Variants in SPEN observed in about 807,000 individuals in gnomAD.
SPEN encodes the protein spen family transcriptional repressor, also known as msx2-interacting protein.
Under a neutral mutation model 269.9 loss-of-function variants are expected in SPEN, and 18 were observed. That is an observed-to-expected ratio of 0.07 (90% CI 0.05 to 0.10). The LOEUF is 0.10. Ranked by LOEUF, SPEN falls within the 10% of genes least tolerant of loss-of-function variation. SPEN has a pLI of 1.00. For synonymous variants in SPEN, 1,726 were observed against 1,765.7 expected, an observed-to-expected ratio of 0.98 and a Z score of 0.56; for missense variants, 3,822 against 4,631.2, an observed-to-expected ratio of 0.83 and a Z score of 5.07.
At position 15,937,341 on chromosome 1, in the gene SPEN, C is replaced by G; in HGVS notation, c.10205C>G (p.Pro3402Arg). The G allele has an allele frequency of 6.2e-7, 1 of 1,613,986 alleles. No individual in the cohort carries two copies. Among genetic ancestry groups the G allele is most frequent in the Non-Finnish European group, 8.5e-7 (1 of 1,179,998 alleles). ...AKGTQTGVEQ[P>R]RLPAGPANRP... is the part of the protein sequence containing the mutation. ...GGGACCCAGACGGGAGTAGAGCAGC[C>G]TCGCCTCCCAGCTGGACCTGCAAAC... The change falls in exon 12 of 15, where the codon CCT (proline) becomes CGT (arginine). Residue 3402 changes from proline (P) to arginine (R), a missense_variant. Around this residue, in one of 16 missense-constraint regions of SPEN, gnomAD observed 359 missense variants for 377.3 expected, o/e 0.95. Coordinates refer to ENST00000375759, the MANE Select transcript of SPEN (RefSeq NM_015001.3). This position sits in a 1 kb window ranked among gnomAD's most constrained non-coding sequence, Gnocchi z 5.7.
In SPEN at chr1:15,855,990, C is replaced by CCTTT. The variant is rs370972899; in HGVS notation, c.83+7840_83+7841insCTTT. ...TTATTGTGTGAAAAGGATGCTAGAA[C>CCTTT]TTTTTTTTTTTTTTTTTTTTGAGAC... On this transcript the variant is annotated intron_variant, in intron 1 of 14. Transcript: ENST00000375759. Among the ~76,000 whole-genome samples the CCTTT allele has an allele frequency of 4.3e-3, 122 of 28,232 alleles. 25 individuals carry two copies. The highest frequency in any genetic ancestry group is 4.7e-3 in the African/African-American group (46 of 9,700). 18.5% of individuals were successfully genotyped at this position (28,232 alleles called of 152,430 possible). A position where few individuals can be genotyped will look rare whatever the true frequency, so the allele number is the denominator to read the frequency against.
At chr1:15,859,329 A>ATTTTCT (rs1431619410) in intron 1 of SPEN, among the ~76,000 whole-genome samples, 1 of 114,882 alleles carries the variant, frequency 8.7e-6, no homozygotes, top group Non-Finnish European at 1.9e-5. Flanking sequence ...TTTATAGTTC[A>ATTTTCT]TTTTCTTTTT....
At chr1:15,893,322 A>G (rs2070807827) in intron 3 of SPEN, among the ~76,000 whole-genome samples, 1 of 151,868 alleles carries the variant, frequency 6.6e-6, no homozygotes, top group South Asian at 2.1e-4. Context: ...TTTATATGTT[A>G]TTTTCGATGG....
chr1:15,848,771 G>T lies in SPEN; in HGVS notation c.83+621G>T, dbSNP rs912725750. Among the ~76,000 whole-genome samples, 1 of 152,056 alleles carries T rather than the reference G, an allele frequency of 6.6e-6. No homozygotes were observed. Among genetic ancestry groups the T allele is most frequent in the Non-Finnish European group, 1.5e-5 (1 of 68,022 alleles). On this transcript the variant is annotated intron_variant, in intron 1 of 14. Transcript: ENST00000375759. This position sits in a 1 kb window ranked among gnomAD's most constrained non-coding sequence, Gnocchi z 5.1. Reference sequence around the variant, plus strand: ...GGCAAACGTTTCTCGTTTTTGCGGGGCTGGGTGGAGAGTGGTGTGAAATAA... The same window carrying T: ...GGCAAACGTTTCTCGTTTTTGCGGGTCTGGGTGGAGAGTGGTGTGAAATAA...
chr1:15,918,253 T>G (rs951514377), intron 6 of SPEN, among the ~76,000 whole-genome samples: 1 of 152,188 alleles, frequency 6.6e-6, no homozygotes, highest in South Asian at 2.1e-4. Flanking sequence ...TAAGACGGAG[T>G]TTCACTTTTG....
At chr1:15,885,755 A>G (rs1223321129) in intron 3 of SPEN, among the ~76,000 whole-genome samples, 2 of 152,216 alleles carry the variant, frequency 1.3e-5, no homozygotes, top group East Asian at 3.8e-4. Context: ...GTTTAGCAGC[A>G]TGGAATAAAT....
chr1:15,868,115 G>A (rs2070532961), intron 1 of SPEN, among the ~76,000 whole-genome samples: 1 of 151,592 alleles, frequency 6.6e-6, no homozygotes, highest in African/African-American at 2.4e-5. Flanking sequence ...ATTCAGGAGT[G>A]AGCCACTGCA....
Position 15,934,117 on chromosome 1 carries a change from C to T in SPEN, c.7877C>T (p.Pro2626Leu). ...ATTACCTCTGTTATTAGCCGGATGCCTGTCAGCATTGACCTGGAAAATTCA... is the reference window on the plus strand; with the variant it reads ...ATTACCTCTGTTATTAGCCGGATGCTTGTCAGCATTGACCTGGAAAATTCA... ...PKITSVISRM[P>L]VSIDLENSQK... Residue 2626 changes from proline (P) to leucine (L), a missense_variant, in exon 11 of 15, where the codon CCT becomes CTT. Physicochemically the swap from Pro to Leu is moderately conservative, Grantham distance 98. Transcript: ENST00000375759. The surrounding 1 kb of genome is among the most constrained non-coding windows in gnomAD (Gnocchi z 9.2). The T allele has an allele frequency of 6.2e-7, 1 of 1,613,818 alleles. No homozygotes were observed. The highest frequency in any genetic ancestry group is 8.5e-7 in the Non-Finnish European group (1 of 1,179,766).
chr1:15,899,449 G>T (rs2070876913), intron 3 of SPEN, among the ~76,000 whole-genome samples: 1 of 151,816 alleles, frequency 6.6e-6, no homozygotes. Context: ...CAAAGTGCTA[G>T]GATTACAGGC....
At chr1:15,876,122 T>A in intron 2 of SPEN, 80 bp from the exon 3 acceptor site, 1 of 1,087,062 alleles carries the variant, frequency 9.2e-7, no homozygotes, top group Non-Finnish European at 1.4e-6. Context: ...AAGACAATGC[T>A]GAAGTGAATG....
chr1:15,934,840 C>T lies in SPEN; in HGVS notation c.8600C>T (p.Pro2867Leu). The change falls in exon 11 of 15, where the codon CCA becomes CTA. Residue 2867 changes from proline to leucine, a missense_variant. By Grantham distance (98) the Pro-to-Leu change is moderately conservative (BLOSUM62 -3). Coordinates refer to ENST00000375759, the MANE Select transcript of SPEN (RefSeq NM_015001.3). This position sits in a 1 kb window ranked among gnomAD's most constrained non-coding sequence, Gnocchi z 9.2. Reference sequence around the variant, plus strand: ...GATTCTGTCACAGCATCGCAGCCTCCATCCAAAGGCCCTCAAGCTCCTGCA... The same window carrying T: ...GATTCTGTCACAGCATCGCAGCCTCTATCCAAAGGCCCTCAAGCTCCTGCA... ...KPDSVTASQP[P>L]SKGPQAPAGY... 1 of 1,614,190 alleles carries T rather than the reference C, an allele frequency of 6.2e-7. No individual in the cohort carries two copies. The highest frequency in any genetic ancestry group is 8.5e-7 in the Non-Finnish European group (1 of 1,180,026).
At chr1:15,901,649 C>CAAAA (rs113563212) in intron 3 of SPEN, among the ~76,000 whole-genome samples, 1 of 52,768 alleles carries the variant, frequency 1.9e-5, no homozygotes, top group South Asian at 6.8e-4. Context: ...GACTCCATCT[C>CAAAA]AAAAAAAAAA....
chr1:15,929,674 C>T lies in SPEN; in HGVS notation c.3434C>T (p.Ser1145Leu), dbSNP rs1365147024. ...SLRDETPERK[S>L]GQEKSHSVNT... ...CGTGATGAAACACCTGAACGTAAAT[C>T]AGGCCAAGAGAAATCACATTCAGTA... The change falls in exon 11 of 15, where the codon TCA (serine) becomes TTA (leucine). Residue 1145 changes from serine (S) to leucine (L), a missense_variant. Ser to Leu is a moderately radical substitution (Grantham distance 145). Transcript: ENST00000375759. This position sits in a 1 kb window ranked among gnomAD's most constrained non-coding sequence, Gnocchi z 5.8. 1 of 1,614,062 alleles carries T rather than the reference C, an allele frequency of 6.2e-7. No homozygotes were observed. Among genetic ancestry groups the T allele is most frequent in the East Asian group, 2.2e-5 (1 of 44,882 alleles).
intron 3 of SPEN, among the ~76,000 whole-genome samples, chr1:15,889,978 G>A (rs906694576): frequency 2.0e-5 from 3 of 152,110 alleles, no homozygotes; most frequent in African/African-American, 7.2e-5. Flanking sequence ...GCCTCCCAAA[G>A]TGCTGGGATT....
rs368251288 is a variant in SPEN at position 15,928,072 on chromosome 1, C to A, written c.1851-19C>A. 3.2e-6 allele frequency: 5 copies of A among 1,567,562 alleles called. No homozygotes were observed. The highest frequency in any genetic ancestry group is 1.9e-5 in the Admixed American group (1 of 53,714). On this transcript the variant is annotated intron_variant, in intron 10 of 14. Transcript: ENST00000375759. This position sits in a 1 kb window ranked among gnomAD's most constrained non-coding sequence, Gnocchi z 5.7. ...GATGAGGAAACAAAAGAACTAATAT[C>A]TTTGTTATTTTTTGGCAGAGAGGAA...
intron 5 of SPEN, among the ~76,000 whole-genome samples, chr1:15,915,056 T>G (rs561314339): frequency 1.5e-4 from 23 of 152,272 alleles, no homozygotes; most frequent in Admixed American, 3.9e-4. Context: ...ACAATGAAGG[T>G]GGACTATTTT....
At chr1:15,898,773 C>T (rs567711554) in intron 3 of SPEN, among the ~76,000 whole-genome samples, 4 of 151,982 alleles carry the variant, frequency 2.6e-5, no homozygotes, top group South Asian at 4.2e-4. Context: ...ATGTTGGCCA[C>T]GCTGGTCTTG....
At chr1:15,922,442 C>A (rs2071128361) in intron 10 of SPEN, 93 bp downstream of exon 10, 2 of 770,902 alleles carry the variant, frequency 2.6e-6, no homozygotes, top group Non-Finnish European at 4.2e-6. Context: ...TCACTCTTTA[C>A]CCCTACTTTC....
At chr1:15,852,804 A>G (rs1569960410) in intron 1 of SPEN, among the ~76,000 whole-genome samples, 1 of 152,180 alleles carries the variant, frequency 6.6e-6, no homozygotes, top group Non-Finnish European at 1.5e-5. Context: ...TTTTACTGAA[A>G]TTTTTAAAAA....
Sources: gnomAD v4.1 joint callset for allele counts (sites outside exome capture counted in the v4.1 genomes callset) on GRCh38, gnomAD v4.1.1 for gene constraint, gnomAD v4.1.1 regional missense constraint, Gnocchi (gnomAD v3.1) non-coding constraint, MANE v1.5 for transcripts, NCBI Gene and HGNC (gene_info 2026-07-23, HGNC 2026-07-21) for gene names.